The following SGK1 variants were observed in gnomAD, a reference collection of about 807,000 sequenced individuals.
The protein encoded by SGK1 is serum/glucocorticoid regulated kinase 1.
SGK1 carries 26 observed loss-of-function variants against 64.2 expected under a neutral mutation model. The ratio of observed to expected loss-of-function variants is 0.40; its 90% CI spans 0.30 to 0.56. The LOEUF (loss-of-function observed/expected upper bound fraction) is 0.56. Ranked by LOEUF, SGK1 falls within the 20% of genes least tolerant of loss-of-function variation. The pLI is 0.38. For synonymous variants in SGK1, 265 were observed against 239.7 expected, an observed-to-expected ratio of 1.11 and a Z score of -0.98; for missense variants, 519 against 645.6, an observed-to-expected ratio of 0.80 and a Z score of 2.12.
intron 5 of SGK1, 97 bp from the exon 6 acceptor site, chr6:134,173,663 C>T (rs1775111088): frequency 1.4e-5 from 11 of 807,470 alleles, no homozygotes; most frequent in South Asian, 1.2e-4. Flanking sequence ...CTACAAATGA[C>T]TGATGCAAAT....
At chr6:134,213,887 T>C (rs2114693818) in intron 2 of SGK1, among the ~76,000 whole-genome samples, 1 of 152,194 alleles carries the variant, frequency 6.6e-6, no homozygotes, top group Non-Finnish European at 1.5e-5. Context: ...CAGTATGCAA[T>C]TTTAAAATAT....
chr6:134,289,792 G>A (rs549866834), intron 1 of SGK1, among the ~76,000 whole-genome samples: 32 of 152,088 alleles, frequency 2.1e-4, no homozygotes, highest in Middle Eastern at 3.4e-3. Flanking sequence ...GATCACTTGA[G>A]CACAGGAGTT....
chr6:134,239,147 CAGG>C (rs1254370507), intron 2 of SGK1, among the ~76,000 whole-genome samples: 4 of 152,172 alleles, frequency 2.6e-5, no homozygotes, highest in Admixed American at 2.6e-4. Context: ...CTAATGATCC[CAGG>C]AGCTTTTGGG....
chr6:134,304,846 T>C lies in SGK1; in HGVS notation c.69+12546A>G, dbSNP rs141215047. 1.5e-3 allele frequency among the ~76,000 whole-genome samples: 236 copies of C among 152,334 alleles called. 2 individuals are homozygous for C. Among genetic ancestry groups the C allele is most frequent in the African/African-American group, 5.1e-3 (214 of 41,574 alleles). Reference sequence around the variant, plus strand: ...AGTTCAGTGACTAAGAAGTTATTTCTAAAGATTTGTCCAATTTGTTCACTG... The same window carrying C: ...AGTTCAGTGACTAAGAAGTTATTTCCAAAGATTTGTCCAATTTGTTCACTG... On this transcript the variant is annotated intron_variant, in intron 1 of 13. Coordinates refer to ENST00000367858, the MANE Select transcript of SGK1 (RefSeq NM_001143676.3).
intron 1 of SGK1, among the ~76,000 whole-genome samples, chr6:134,266,421 C>T (rs923179204): frequency 1.3e-5 from 2 of 151,974 alleles, no homozygotes; most frequent in Admixed American, 6.6e-5. Flanking sequence ...TCAAGACCAG[C>T]CTGACCAACA....
intron 3 of SGK1, chr6:134,175,617 G>A: frequency 1.9e-6 from 3 of 1,543,642 alleles, no homozygotes; most frequent in South Asian, 1.2e-5. Flanking sequence ...GCCGCAGCAG[G>A]GACTCGAGCC....
chr6:134,216,934 A>G (rs1775996048), intron 2 of SGK1, among the ~76,000 whole-genome samples: 1 of 152,212 alleles, frequency 6.6e-6, no homozygotes, highest in South Asian at 2.1e-4. Context: ...CACTTGGTTG[A>G]GCAATTCCAT....
intron 3 of SGK1, among the ~76,000 whole-genome samples, chr6:134,206,637 T>A (rs1223903745): frequency 2.0e-5 from 3 of 150,306 alleles, no homozygotes; most frequent in Admixed American, 1.3e-4. Context: ...GAAGCCGAGC[T>A]CAGCAGATTG....
chr6:134,265,292 T>G (rs953105517), intron 1 of SGK1, among the ~76,000 whole-genome samples: 1 of 151,670 alleles, frequency 6.6e-6, no homozygotes, highest in Non-Finnish European at 1.5e-5. Flanking sequence ...AAACCCCATC[T>G]CTACAAAAAA....
At chr6:134,266,301 A>C (rs968743797) in intron 1 of SGK1, among the ~76,000 whole-genome samples, 1 of 151,940 alleles carries the variant, frequency 6.6e-6, no homozygotes, top group African/African-American at 2.4e-5. Context: ...TACTCTTTTC[A>C]ATAGCCATTT....
At chr6:134,227,311 T>C (rs774490289) in intron 2 of SGK1, among the ~76,000 whole-genome samples, 1 of 152,086 alleles carries the variant, frequency 6.6e-6, no homozygotes, top group Admixed American at 6.6e-5. Context: ...ATTTTTGTAT[T>C]TTTAGTAGAG....
At chr6:134,241,191 A>G (rs1051867449) in intron 2 of SGK1, among the ~76,000 whole-genome samples, 2 of 151,644 alleles carry the variant, frequency 1.3e-5, no homozygotes, top group Non-Finnish European at 2.9e-5. Flanking sequence ...CTGGGACTAC[A>G]GGCATCCACT....
chr6:134,296,602 G>A (rs1223698725), intron 1 of SGK1, among the ~76,000 whole-genome samples: 1 of 151,968 alleles, frequency 6.6e-6, no homozygotes, highest in Non-Finnish European at 1.5e-5. Context: ...GATTACAGGC[G>A]TGAACCACAC....
intron 3 of SGK1, among the ~76,000 whole-genome samples, chr6:134,200,622 C>T (rs562280024): frequency 6.6e-6 from 1 of 152,222 alleles, no homozygotes; most frequent in East Asian, 1.9e-4. Context: ...AACTGTGTAT[C>T]AGGCCAGATG....
chr6:134,244,798 G>A (rs1034471749), intron 2 of SGK1, among the ~76,000 whole-genome samples: 1 of 152,160 alleles, frequency 6.6e-6, no homozygotes, highest in African/African-American at 2.4e-5. Flanking sequence ...TTTTTGAGAT[G>A]GAGTTTCACT....
intron 1 of SGK1, among the ~76,000 whole-genome samples, chr6:134,268,275 C>A (rs889055776): frequency 1.6e-4 from 25 of 152,098 alleles, no homozygotes; most frequent in Non-Finnish European, 3.4e-4. Context: ...GCTGTGTGTG[C>A]GAGAAACACG....
At chr6:134,238,930 G>A (rs937070425) in intron 2 of SGK1, among the ~76,000 whole-genome samples, 15 of 152,136 alleles carry the variant, frequency 9.9e-5, no homozygotes, top group Admixed American at 3.9e-4. Flanking sequence ...TATCCATATC[G>A]TAGGGTTTAA....
chr6:134,257,506 G>A lies in SGK1; in HGVS notation c.285+4427C>T, dbSNP rs190963172. On this transcript the variant is annotated intron_variant, in intron 2 of 13. Transcript: ENST00000367858. ...ATTTTATTTAAAACATTCTTACCTC[G>A]TTTTCTATATTTTATCTTTACATAT... 1.5e-3 allele frequency among the ~76,000 whole-genome samples: 224 copies of A among 152,092 alleles called. 1 individual carries two copies. Among genetic ancestry groups the A allele is most frequent in the Admixed American group, 3.5e-3 (53 of 15,286 alleles).
intron 1 of SGK1, among the ~76,000 whole-genome samples, chr6:134,306,123 T>TA (rs938358907): frequency 4.6e-5 from 7 of 151,968 alleles, no homozygotes; most frequent in Admixed American, 1.3e-4. Context: ...ACAGGTGCCA[T>TA]AAAAAATAGC....
Sources: gnomAD v4.1 joint callset for allele counts (sites outside exome capture counted in the v4.1 genomes callset) on GRCh38, gnomAD v4.1.1 for gene constraint, MANE v1.5 for transcripts, NCBI Gene and HGNC (gene_info 2026-07-23, HGNC 2026-07-21) for gene names.